Variants in RAB37 observed in about 807,000 individuals in gnomAD.
RAB37 encodes the protein ras-related protein Rab-37.
RAB37 carries 29 observed loss-of-function variants against 33.1 expected under a neutral mutation model. That is an observed-to-expected ratio of 0.88 (90% CI 0.65 to 1.20). The LOEUF is 1.20. RAB37 is among the 50% of genes most tolerant of loss of function. RAB37 has a pLI of 0.00. For missense variants in RAB37, 299 were observed against 301.1 expected, an observed-to-expected ratio of 0.99 and a Z score of 0.05; for synonymous variants, 128 against 119.5, an observed-to-expected ratio of 1.07 and a Z score of -0.47.
At position 74,728,473 on chromosome 17, in the gene RAB37, CGT is replaced by C. The variant is rs754600347; in HGVS notation, c.73-778_73-777del. Reference sequence around the variant, plus strand: ...GTACAAGTGTGTCTGTGTCTGTATACGTGTGTTTCTGTGTGTACACGTTTTTG... The same window carrying C: ...GTACAAGTGTGTCTGTGTCTGTATACGTGTTTCTGTGTGTACACGTTTTTG... On this transcript the variant is annotated intron_variant, in intron 1 of 7. Transcript: ENST00000340415. Among the ~76,000 whole-genome samples, 76 of 145,028 alleles carry C rather than the reference CGT, an allele frequency of 5.2e-4. 1 individual carries two copies. Among genetic ancestry groups the C allele is most frequent in the South Asian group, 3.8e-3 (17 of 4,418 alleles).
rs1258564087 is a variant in RAB37, at chr17:74,676,047, C to T, written c.72+4389C>T. ...TCTCTCTTGCCACCAGCTTCAAGAG[C>T]CATCCAGGGCAATGGTCTGGGGTAG... On this transcript the variant is annotated intron_variant, in intron 1 of 7. Coordinates refer to the RAB37 transcript ENST00000340415. This position sits in a 1 kb window ranked among gnomAD's most constrained non-coding sequence, Gnocchi z 4.1. 3.9e-5 allele frequency among the ~76,000 whole-genome samples: 6 copies of T among 152,174 alleles called. No individual in the cohort carries two copies. Among genetic ancestry groups the T allele is most frequent in the Non-Finnish European group, 8.8e-5 (6 of 68,030 alleles).
upstream of RAB37, among the ~76,000 whole-genome samples, chr17:74,732,385 G>A (rs955896959): frequency 1.3e-5 from 2 of 151,362 alleles, no homozygotes; most frequent in African/African-American, 4.9e-5. Context: ...TGCTCTTTGG[G>A]CTGTGCTGTT....
At chr17:74,704,751 T>A in intron 1 of RAB37, 1 of 1,614,094 alleles carries the variant, frequency 6.2e-7, no homozygotes, top group Non-Finnish European at 8.5e-7. Context: ...CACTGCACGG[T>A]CAAGGAGCCC....
At chr17:74,682,215 T>G (rs147984464) in intron 1 of RAB37, among the ~76,000 whole-genome samples, 1 of 152,310 alleles carries the variant, frequency 6.6e-6, no homozygotes, top group African/African-American at 2.4e-5. Context: ...CAAATTGGCT[T>G]AAGCCGAAAA....
At chr17:74,732,990 C>A (rs1429135614), upstream of RAB37, among the ~76,000 whole-genome samples, 1 of 150,920 alleles carries the variant, frequency 6.6e-6, no homozygotes, top group African/African-American at 2.4e-5. Flanking sequence ...TGGGGGTGTG[C>A]GTCTCAGATC....
intron 1 of RAB37, among the ~76,000 whole-genome samples, chr17:74,722,598 G>A (rs2144014477): frequency 6.6e-6 from 1 of 152,290 alleles, no homozygotes; most frequent in Non-Finnish European, 1.5e-5. Flanking sequence ...GAATAAGTAG[G>A]ACTATAGTCC....
intron 1 of RAB37, among the ~76,000 whole-genome samples, chr17:74,739,568 C>T (rs1303805150): frequency 2.2e-5 from 3 of 135,508 alleles, no homozygotes; most frequent in Non-Finnish European, 4.6e-5. Flanking sequence ...GTCGCTCTGT[C>T]ACCGAGGCTG....
intron 1 of RAB37, among the ~76,000 whole-genome samples, chr17:74,713,632 G>A (rs1209655518): frequency 6.6e-6 from 1 of 152,048 alleles, no homozygotes; most frequent in Non-Finnish European, 1.5e-5. Context: ...AGCTTCAGGT[G>A]TAGCCAGATG....
At chr17:74,678,159 G>C (rs575102549) in intron 1 of RAB37, among the ~76,000 whole-genome samples, 2 of 152,242 alleles carry the variant, frequency 1.3e-5, no homozygotes, top group South Asian at 2.1e-4. Context: ...TAGAGACTGC[G>C]AGTGCGAATG....
rs886152955 is a variant in RAB37 at position 74,676,530 on chromosome 17, T to C, written c.72+4872T>C. Reference sequence around the variant, plus strand: ...CACTCTCCCCCATCTCCTGCACTTATTCTTCACTTCCTTCTTCTATTACCC... The same window carrying C: ...CACTCTCCCCCATCTCCTGCACTTACTCTTCACTTCCTTCTTCTATTACCC... On this transcript the variant is annotated intron_variant, in intron 1 of 7. Transcript: ENST00000340415. The surrounding 1 kb of genome is among the most constrained non-coding windows in gnomAD (Gnocchi z 4.1). Among the ~76,000 whole-genome samples the C allele has an allele frequency of 1.1e-4, 16 of 152,226 alleles. No individual in the cohort carries two copies. Among genetic ancestry groups the C allele is most frequent in the African/African-American group, 3.6e-4 (15 of 41,458 alleles).
chr17:74,745,310 C>G lies in RAB37; in HGVS notation c.571C>G (p.Leu191Val). ...GCCCATTGTCTCTTCTTCAAGGGAACTGAAATACCGGGCCGGGCATCAGGC... is the reference window on the plus strand; with the variant it reads ...GCCCATTGTCTCTTCTTCAAGGGAAGTGAAATACCGGGCCGGGCATCAGGC... ...ELAFLAIAKE[L>V]KYRAGHQADE... Residue 191 changes from leucine to valine, a missense_variant, in exon 9 of 9, where the codon CTG becomes GTG. Transcript: ENST00000392613. The surrounding 1 kb of genome is among the most constrained non-coding windows in gnomAD (Gnocchi z 4.5). 2 of 1,613,822 alleles carry G rather than the reference C, an allele frequency of 1.2e-6. No individual in the cohort carries two copies. Among genetic ancestry groups the G allele is most frequent in the Non-Finnish European group, 1.7e-6 (2 of 1,179,822 alleles).
chr17:74,683,240 G>A (rs1414832029), intron 1 of RAB37, among the ~76,000 whole-genome samples: 1 of 152,188 alleles, frequency 6.6e-6, no homozygotes, highest in African/African-American at 2.4e-5. Flanking sequence ...TCTATGGGTG[G>A]GAGTAGAATT....
At chr17:74,689,075 A>G (rs1398040453) in intron 1 of RAB37, among the ~76,000 whole-genome samples, 1 of 152,184 alleles carries the variant, frequency 6.6e-6, no homozygotes, top group Non-Finnish European at 1.5e-5. Context: ...GCTGAGGCAG[A>G]TGGATTACTT....
intron 1 of RAB37, among the ~76,000 whole-genome samples, chr17:74,705,948 A>C (rs999750215): frequency 1.3e-5 from 2 of 152,214 alleles, no homozygotes; most frequent in Non-Finnish European, 2.9e-5. Context: ...TTGCAGCAAC[A>C]TGGATGTGGC....
upstream of RAB37, chr17:74,737,042 G>T: frequency 6.2e-7 from 1 of 1,608,730 alleles, no homozygotes. Context: ...ACGGAGCCGA[G>T]CCGGTGTTGC....
intron 1 of RAB37, among the ~76,000 whole-genome samples, chr17:74,680,941 C>T (rs1445450424): frequency 1.3e-5 from 2 of 152,166 alleles, no homozygotes; most frequent in Non-Finnish European, 2.9e-5. Context: ...CCTTATACCC[C>T]ACCACCACCC....
intron 1 of RAB37, among the ~76,000 whole-genome samples, chr17:74,701,711 A>G (rs1240602483): frequency 6.6e-6 from 1 of 152,124 alleles, no homozygotes; most frequent in Non-Finnish European, 1.5e-5. Context: ...TTGGCCGGGC[A>G]TGGTGGCTTA....
chr17:74,729,447 G>A lies in RAB37; in HGVS notation c.183+81G>A. ...TTCTGTTGAGTGCCAGCAGGAAACAGGTGGACACTCGCATTGGATCATTCA... is the reference window on the plus strand; with the variant it reads ...TTCTGTTGAGTGCCAGCAGGAAACAAGTGGACACTCGCATTGGATCATTCA... On this transcript the variant is annotated intron_variant, in intron 2 of 7. Transcript: ENST00000340415. The surrounding 1 kb of genome is among the most constrained non-coding windows in gnomAD (Gnocchi z 4.2). The A allele has an allele frequency of 1.1e-6, 1 of 926,806 alleles. No homozygotes were observed. The highest frequency in any genetic ancestry group is 1.3e-5 in the South Asian group (1 of 77,476). 57.4% of individuals were successfully genotyped at this position (926,806 alleles called of 1,614,324 possible).
intron 1 of RAB37, among the ~76,000 whole-genome samples, chr17:74,708,707 G>C (rs2033712796): frequency 6.6e-6 from 1 of 152,166 alleles, no homozygotes. Context: ...AGGAGGTGAG[G>C]AGATCGAGAC....
Sources: allele counts gnomAD v4.1 joint callset (sites outside exome capture counted in the v4.1 genomes callset), GRCh38; gene constraint gnomAD v4.1.1; non-coding constraint Gnocchi (gnomAD v3.1); transcripts MANE v1.5; gene names NCBI Gene and HGNC (gene_info 2026-07-23, HGNC 2026-07-21).